The following CHST10 variants were observed in gnomAD, a reference collection of about 807,000 sequenced individuals.
The protein encoded by CHST10 is HNK-1 sulfotransferase.
In CHST10, 24 loss-of-function variants were observed where a neutral mutation model predicts 34.7. The ratio of observed to expected loss-of-function variants is 0.69; its 90% CI spans 0.50 to 0.97. The LOEUF is 0.97. Ranked by LOEUF, CHST10 falls within the 50% of genes least tolerant of loss-of-function variation. The pLI is 0.00. For missense variants in CHST10, 402 were observed against 452.1 expected (o/e 0.89, Z 1.00); for synonymous variants, 161 against 169.3 (o/e 0.95, Z 0.38).
chr2:100,400,795 C>G (rs1026067799), intron 4 of CHST10, among the ~76,000 whole-genome samples: 1 of 152,244 alleles, frequency 6.6e-6, no homozygotes, highest in African/African-American at 2.4e-5. Flanking sequence ...TCTCCTGCCT[C>G]AGCCTCCCGA....
chr2:100,395,865 G>A lies in CHST10; in HGVS notation c.428-251C>T, dbSNP rs77100770. Among the ~76,000 whole-genome samples, 559 of 152,276 alleles carry A rather than the reference G, an allele frequency of 3.7e-3. 2 individuals are homozygous for A. Among genetic ancestry groups the A allele is most frequent in the South Asian group, 6.4e-3 (31 of 4,818 alleles). On this transcript the variant is annotated intron_variant, in intron 5 of 6. Coordinates refer to ENST00000264249, the MANE Select transcript of CHST10 (RefSeq NM_004854.5). ...TGATGATTTCAGGGAGGAGGGGGAG[G>A]GAGCAGGAGTGGAAATGCTGGCAGT... is the stretch of plus-strand genomic sequence containing the variant.
At chr2:100,394,974 C>T (rs1674985892) in intron 6 of CHST10, among the ~76,000 whole-genome samples, 1 of 152,198 alleles carries the variant, frequency 6.6e-6, no homozygotes, top group South Asian at 2.1e-4. Flanking sequence ...CCACCTCGGC[C>T]TCCCAAAGTG....
intron 3 of CHST10, among the ~76,000 whole-genome samples, chr2:100,403,470 T>G (rs1455086309): frequency 6.6e-6 from 1 of 152,208 alleles, no homozygotes; most frequent in African/African-American, 2.4e-5. Flanking sequence ...TATCACTGGC[T>G]CCACTGCTGA....
At chr2:100,415,235 G>A in intron 1 of CHST10, 124 bp from the exon 2 acceptor site, 1 of 410,460 alleles carries the variant, frequency 2.4e-6, no homozygotes, top group South Asian at 2.5e-5. Context: ...AATATATTTG[G>A]CAGAATGGGT....
At chr2:100,395,265 AATG>A (rs1412077034) in intron 6 of CHST10, among the ~76,000 whole-genome samples, 20 of 152,312 alleles carry the variant, frequency 1.3e-4, no homozygotes, top group African/African-American at 4.6e-4. Context: ...CTATTAACAA[AATG>A]ATGTCACCTT....
chr2:100,397,886 C>A, intron 5 of CHST10, 22 bp downstream of exon 5: 1 of 1,580,548 alleles, frequency 6.3e-7, no homozygotes, highest in South Asian at 1.2e-5. Context: ...TCCCAGTGGA[C>A]ATTCAGTAGA....
chr2:100,403,775 C>T (rs140035178), intron 3 of CHST10, among the ~76,000 whole-genome samples: 2,818 of 152,330 alleles, frequency 0.018, 294 homozygotes, highest in Admixed American at 0.17. Flanking sequence ...TGACACTTCA[C>T]AATGGGCTTC....
At chr2:100,411,301 G>A (rs1675827455) in intron 2 of CHST10, among the ~76,000 whole-genome samples, 1 of 151,826 alleles carries the variant, frequency 6.6e-6, no homozygotes, top group South Asian at 2.1e-4. Context: ...TAGTAGAGAT[G>A]GGGTTTCACC....
Position 100,393,782 on chromosome 2 carries a change from T to C in CHST10, c.534A>G (p.Arg178=). The change falls in exon 7 of 7, where the codon CGA becomes CGG. Residue 178 remains arginine, a splice_region_variant and synonymous_variant. Coordinates refer to ENST00000264249, the MANE Select transcript of CHST10 (RefSeq NM_004854.5). ...SSFSDAEIQK[R]LKTYFKFFIV... Reference sequence around the variant, plus strand: ...TAAAAAACTTGAAGTATGTTTTCAATCTAAGGAAAAAAACGAACAAGAGGT... The same window carrying C: ...TAAAAAACTTGAAGTATGTTTTCAACCTAAGGAAAAAAACGAACAAGAGGT... 6.2e-7 allele frequency: 1 copy of C among 1,602,890 alleles called. No individual in the cohort carries two copies.
At chr2:100,413,646 C>T (rs1437718542) in intron 2 of CHST10, among the ~76,000 whole-genome samples, 1 of 152,172 alleles carries the variant, frequency 6.6e-6, no homozygotes, top group Non-Finnish European at 1.5e-5. Context: ...TGATGCAAAT[C>T]CTTCCTCCCC....
At chr2:100,393,844 G>A (rs758756347) in intron 6 of CHST10, 62 bp from the exon 7 acceptor site, 45 of 1,394,962 alleles carry the variant, frequency 3.2e-5, no homozygotes, top group South Asian at 2.7e-4. Flanking sequence ...CTGAGGGGGC[G>A]GGAGAGGGAA....
rs1378209528 is a variant in CHST10 at position 100,417,509 on chromosome 2, C to A, written c.-239G>T. ...GCTCGGGAGGCCCGCCCCACCTTGC[C>A]CCGAGGCCTCCGCGCCGCGGCCCGT... On this transcript the variant is annotated 5_prime_UTR_variant, in exon 1 of 7. Transcript: ENST00000264249. 6 of 152,096 alleles carry A rather than the reference C, an allele frequency of 3.9e-5. No homozygotes were observed. Among genetic ancestry groups the A allele is most frequent in the African/African-American group, 1.4e-4 (6 of 41,402 alleles). The allele number at this position is 152,096 out of a possible 1,614,324, so 9.4% of individuals were successfully genotyped here. A position where few individuals can be genotyped will look rare whatever the true frequency, so the allele number is the denominator to read the frequency against.
chr2:100,411,762 C>T (rs767551684), intron 2 of CHST10, among the ~76,000 whole-genome samples: 2 of 152,102 alleles, frequency 1.3e-5, no homozygotes, highest in South Asian at 2.1e-4. Flanking sequence ...CAGGCCCACA[C>T]GAAGGAAAGA....
rs780798445 is a variant in CHST10 at position 100,412,090 on chromosome 2, C to T, written c.-33+2951G>A. 9.2e-5 allele frequency among the ~76,000 whole-genome samples: 14 copies of T among 152,284 alleles called. No individual in the cohort carries two copies. In the Middle Eastern group the frequency reaches 0.01, roughly 111 times the overall value. ...AAAAGAGGGGTGGTGATGTCATGATCTGATTTAAATTTTGAAACAGTTTCT... is the reference window on the plus strand; with the variant it reads ...AAAAGAGGGGTGGTGATGTCATGATTTGATTTAAATTTTGAAACAGTTTCT... On this transcript the variant is annotated intron_variant, in intron 2 of 6. Transcript: ENST00000264249.
chr2:100,396,229 A>C (rs536337839), intron 5 of CHST10, among the ~76,000 whole-genome samples: 1 of 152,118 alleles, frequency 6.6e-6, no homozygotes, highest in African/African-American at 2.4e-5. Context: ...TTGAGACAGG[A>C]GTCAAAAGAG....
chr2:100,409,167 C>T (rs954764036), intron 2 of CHST10, among the ~76,000 whole-genome samples: 1 of 152,206 alleles, frequency 6.6e-6, no homozygotes, highest in Admixed American at 6.5e-5. Flanking sequence ...GCTTCCAACC[C>T]CTGATCACCC....
At chr2:100,413,103 G>A (rs557369849) in intron 2 of CHST10, among the ~76,000 whole-genome samples, 8 of 152,276 alleles carry the variant, frequency 5.3e-5, no homozygotes, top group East Asian at 1.9e-4. Context: ...AGAGGACTGC[G>A]GCCTGACATA....
In CHST10 at chr2:100,391,996, C is replaced by T. The variant is rs1674812807; in HGVS notation, c.*1249G>A. On this transcript the variant is annotated 3_prime_UTR_variant, in exon 7 of 7. Transcript: ENST00000264249. ...CGGGCTCGGCGGCACCATGCAGGCT[C>T]AGGCTGGCACTCATCCCAGGAAACT... The T allele has an allele frequency of 6.5e-6, 1 of 152,836 alleles. No homozygotes were observed. Among genetic ancestry groups the T allele is most frequent in the African/African-American group, 2.4e-5 (1 of 41,476 alleles). 9.5% of individuals were successfully genotyped at this position (152,836 alleles called of 1,614,324 possible). A position where few individuals can be genotyped will look rare whatever the true frequency, so the allele number is the denominator to read the frequency against.
chr2:100,398,704 G>A (rs779162960), intron 4 of CHST10, among the ~76,000 whole-genome samples: 3 of 152,124 alleles, frequency 2.0e-5, no homozygotes, highest in African/African-American at 4.8e-5. Flanking sequence ...GCAAGACTCC[G>A]TCTTGGGGGA....
Sources: gnomAD v4.1 joint callset for allele counts (sites outside exome capture counted in the v4.1 genomes callset) on GRCh38, gnomAD v4.1.1 for gene constraint, MANE v1.5 for transcripts, NCBI Gene and HGNC (gene_info 2026-07-23, HGNC 2026-07-21) for gene names.